Variants in NSUN2 observed in about 807,000 individuals in gnomAD.
NSUN2 encodes the protein NOP2/Sun RNA methyltransferase 2.
In NSUN2, 63 loss-of-function variants were observed where a neutral mutation model predicts 92.7. The observed-to-expected ratio is 0.68, with a 90% confidence interval of 0.56 to 0.84. NSUN2 has a LOEUF of 0.84. Ranked by LOEUF, NSUN2 falls within the 40% of genes least tolerant of loss-of-function variation. The pLI is 0.00. For synonymous variants in NSUN2, 356 were observed against 348.3 expected, an observed-to-expected ratio of 1.02 and a Z score of -0.25; for missense variants, 989 against 964.9, an observed-to-expected ratio of 1.02 and a Z score of -0.33.
chr5:6,610,454 C>T (rs1005995379), intron 11 of NSUN2, among the ~76,000 whole-genome samples: 6 of 151,842 alleles, frequency 4.0e-5, no homozygotes, highest in Non-Finnish European at 7.4e-5. Context: ...TTTGGGAGGC[C>T]GAGGTGGGCA....
At chr5:6,618,090 G>A in intron 7 of NSUN2, 66 bp from the exon 8 acceptor site, 1 of 1,004,668 alleles carries the variant, frequency 1.0e-6, no homozygotes. Flanking sequence ...TAACAGATAT[G>A]TCACATACAA....
chr5:6,626,863 T>G (rs959712702), intron 3 of NSUN2, among the ~76,000 whole-genome samples: 2 of 152,238 alleles, frequency 1.3e-5, no homozygotes, highest in African/African-American at 4.8e-5. Context: ...AATGTTTCCA[T>G]GCGTCAAATT....
At chr5:6,600,803 T>C (rs1012894234) in intron 18 of NSUN2, among the ~76,000 whole-genome samples, 1 of 152,204 alleles carries the variant, frequency 6.6e-6, no homozygotes, top group African/African-American at 2.4e-5. Context: ...GGACCCCACA[T>C]GGCAGTCTGA....
chr5:6,632,792 A>T lies in NSUN2; in HGVS notation c.97-36T>A, dbSNP rs1347151523. On this transcript the variant is annotated intron_variant, in intron 1 of 18. Transcript: ENST00000264670. ...AAAGAGACGTCTACCCCGAGGCCCA[A>T]GGAGCCGCCCCCTCGCCGCCGCCTC... 1.9e-6 allele frequency: 3 copies of T among 1,601,994 alleles called. No individual in the cohort carries two copies. In the African/African-American group the frequency reaches 4.0e-5, roughly 21 times the overall value.
In NSUN2 at chr5:6,609,856, A is replaced by G. The variant is rs1168200809; in HGVS notation, c.1293T>C (p.Ser431=). 1.2e-6 allele frequency: 2 copies of G among 1,613,926 alleles called. No individual in the cohort carries two copies. Among genetic ancestry groups the G allele is most frequent in the Admixed American group, 3.3e-5 (2 of 59,986 alleles). The change falls in exon 12 of 19, where the codon TCT becomes TCC. Residue 431 remains serine, a synonymous_variant. Transcript: ENST00000264670. ...GCTGACGTTTATTCCACGGCATTGA[A>G]GATTTTTTCACCAATACTGCCACAA... ...GFFVAVLVKK[S]SMPWNKRQPK... is the part of the protein sequence containing the mutation.
At position 6,610,874 on chromosome 5, in the gene NSUN2, A is replaced by G. The variant is rs547884584; in HGVS notation, c.1226+81T>C. 10 of 1,532,148 alleles carry G rather than the reference A, an allele frequency of 6.5e-6. No individual in the cohort carries two copies. In the African/African-American group the frequency reaches 1.2e-4, roughly 19 times the overall value. The allele number at this position is 1,532,148 out of a possible 1,614,324, so 94.9% of individuals were successfully genotyped here. On this transcript the variant is annotated intron_variant, in intron 11 of 18. Coordinates refer to ENST00000264670, the MANE Select transcript of NSUN2 (RefSeq NM_017755.6). Reference sequence around the variant, plus strand: ...CAATGTCACCTGCTGCCTCCAACTCACCCCAACAAGACTCACCAGCTCACC... The same window carrying G: ...CAATGTCACCTGCTGCCTCCAACTCGCCCCAACAAGACTCACCAGCTCACC...
At chr5:6,628,165 T>C (rs1737729127) in intron 3 of NSUN2, among the ~76,000 whole-genome samples, 1 of 152,028 alleles carries the variant, frequency 6.6e-6, no homozygotes, top group Admixed American at 6.5e-5. Context: ...CTGTCCAACA[T>C]GGCAAAACCC....
chr5:6,602,173 A>T (rs973767180), intron 18 of NSUN2, among the ~76,000 whole-genome samples: 4 of 152,080 alleles, frequency 2.6e-5, no homozygotes, highest in Admixed American at 6.5e-5. Context: ...TCTGTACAAG[A>T]CAGAAATTTT....
At chr5:6,621,793 A>G (rs138833370) in intron 6 of NSUN2, 7 of 469,762 alleles carry the variant, frequency 1.5e-5, no homozygotes, top group East Asian at 1.0e-4. Flanking sequence ...GAAAACACAC[A>G]TAATTCTAAA....
intron 14 of NSUN2, among the ~76,000 whole-genome samples, chr5:6,605,992 T>C (rs1369262984): frequency 1.3e-5 from 2 of 152,188 alleles, no homozygotes; most frequent in South Asian, 2.1e-4. Context: ...TATTTTTTAA[T>C]AGACTTTTAC....
intron 12 of NSUN2, 61 bp from the exon 13 acceptor site, chr5:6,607,445 A>AT: frequency 6.9e-7 from 1 of 1,445,884 alleles, no homozygotes; most frequent in Non-Finnish European, 9.4e-7. Flanking sequence ...CTGCTACGAA[A>AT]AGTTAAAAAT....
chr5:6,603,947 C>G, intron 17 of NSUN2, 191 bp downstream of exon 17: 1 of 553,702 alleles, frequency 1.8e-6, no homozygotes, highest in South Asian at 2.2e-5. Context: ...TACACCAACC[C>G]CAAGATGCCT....
chr5:6,599,413 C>G lies in NSUN2; in HGVS notation c.*513G>C, dbSNP rs923986895. 6.5e-6 allele frequency: 1 copy of G among 152,872 alleles called. No individual in the cohort carries two copies. The highest frequency in any genetic ancestry group is 2.4e-5 in the African/African-American group (1 of 41,428). 9.5% of individuals were successfully genotyped at this position (152,872 alleles called of 1,614,324 possible). On this transcript the variant is annotated 3_prime_UTR_variant, in exon 19 of 19. Transcript: ENST00000264670. Reference sequence around the variant, plus strand: ...TTATTTTACCCTTTATTCCAAAAGGCACAAAGTCATCTGAGGCCTCAGATA... The same window carrying G: ...TTATTTTACCCTTTATTCCAAAAGGGACAAAGTCATCTGAGGCCTCAGATA...
chr5:6,611,615 C>T, intron 10 of NSUN2, 110 bp downstream of exon 10: 1 of 783,654 alleles, frequency 1.3e-6, no homozygotes, highest in Non-Finnish European at 2.2e-6. Flanking sequence ...TTGGCATAAC[C>T]AGATGTAGTA....
chr5:6,605,230 G>C (rs760241999), intron 15 of NSUN2, 43 bp downstream of exon 15: 1 of 1,604,998 alleles, frequency 6.2e-7, no homozygotes, highest in Admixed American at 1.7e-5. Flanking sequence ...AAAGCCACAC[G>C]CATCCCGCAT....
At position 6,631,073 on chromosome 5, in the gene NSUN2, G is replaced by A. The variant is rs558609362; in HGVS notation, c.359+800C>T. The stretch of plus-strand genomic sequence containing the variant: ...GGTGCCACTGCTCTCCAGCCTGGGC[G>A]ACAGAGTGAGACTCCGTCTCCAAAC... On this transcript the variant is annotated intron_variant, in intron 3 of 18. Coordinates refer to ENST00000264670, the MANE Select transcript of NSUN2 (RefSeq NM_017755.6). Among the ~76,000 whole-genome samples the A allele has an allele frequency of 2.6e-5, 4 of 152,298 alleles. No individual in the cohort carries two copies. The South Asian group carries it at 6.2e-4, about 24-fold the overall frequency.
At position 6,605,347 on chromosome 5, in the gene NSUN2, C is replaced by G. The variant is rs759860742; in HGVS notation, c.1663G>C (p.Gly555Arg). The G allele has an allele frequency of 1.9e-6, 3 of 1,614,208 alleles. No homozygotes were observed. In the Admixed American group the frequency reaches 5.0e-5, roughly 27 times the overall value. ...RMNLLTRTTE[G>R]KKRQLYMVSK... ...ACCATGTAGAGCTGCCTTTTCTTCCCTTCTGTAGTCCGAGTTAACAAATTC... is the reference window on the plus strand; with the variant it reads ...ACCATGTAGAGCTGCCTTTTCTTCCGTTCTGTAGTCCGAGTTAACAAATTC... The change falls in exon 15 of 19, where the codon GGG (glycine) becomes CGG (arginine). Residue 555 changes from glycine (G) to arginine (R), a missense_variant. Physicochemically the swap from Gly to Arg is moderately radical, Grantham distance 125. Transcript: ENST00000264670.
chr5:6,607,131 A>G (rs1407349775), intron 13 of NSUN2, 69 bp downstream of exon 13: 7 of 1,508,298 alleles, frequency 4.6e-6, no homozygotes. Context: ...TGGCTCTGGG[A>G]TCCCATTTAA....
chr5:6,616,855 A>G lies in NSUN2; in HGVS notation c.893T>C (p.Leu298Ser). The G allele has an allele frequency of 6.2e-7, 1 of 1,612,818 alleles. No individual in the cohort carries two copies. Among genetic ancestry groups the G allele is most frequent in the East Asian group, 2.2e-5 (1 of 44,858 alleles). Residue 298 changes from leucine (L) to serine (S), a missense_variant and splice_region_variant, in exon 9 of 19, where the codon TTA becomes TCA. By Grantham distance (145) the Leu-to-Ser change is moderately radical. This residue lies in a region of NSUN2 where 626 missense variants were observed against 602.3 expected (regional missense o/e 1.04). Transcript: ENST00000264670. Reference sequence around the variant, plus strand: ...CCCGCGTGTTGCAATCCGCAGCTGTAAGCTAAGGGGAGATATCAGATGACT... The same window carrying G: ...CCCGCGTGTTGCAATCCGCAGCTGTGAGCTAAGGGGAGATATCAGATGACT... The part of the protein sequence containing the change: ...TTLNSLQLHG[L>S]QLRIATRGAE...
Sources: gnomAD v4.1 joint callset for allele counts (sites outside exome capture counted in the v4.1 genomes callset) on GRCh38, gnomAD v4.1.1 for gene constraint, gnomAD v4.1.1 regional missense constraint, MANE v1.5 for transcripts, NCBI Gene and HGNC (gene_info 2026-07-23, HGNC 2026-07-21) for gene names.